The following OPCML variants were observed in gnomAD, a reference collection of about 807,000 sequenced individuals.
OPCML encodes opioid binding protein/cell adhesion molecule like.
A neutral mutation model predicts 37.8 loss-of-function variants in OPCML; 13 were observed. The observed-to-expected ratio is 0.34, with a 90% CI of 0.22 to 0.55. The LOEUF (loss-of-function observed/expected upper bound fraction) is 0.55, where lower values mean the gene tolerates loss of function less well. OPCML is among the 20% of genes least tolerant of loss of function. The pLI, the probability that OPCML is intolerant of heterozygous loss-of-function variation, is 0.91. For synonymous variants in OPCML, 176 were observed against 168.8 expected (o/e 1.04, Z -0.33); for missense variants, 341 against 435.6 (o/e 0.78, Z 1.93).
chr11:133,363,327 A>C (rs530006720), intron 1 of OPCML, among the ~76,000 whole-genome samples: 1 of 152,322 alleles, frequency 6.6e-6, no homozygotes, highest in Non-Finnish European at 1.5e-5. Context: ...AAGGCAGCGC[A>C]GAGGGCCGAG....
At chr11:133,418,036 A>G (rs1322456810) in intron 1 of OPCML, 1 of 982,672 alleles carries the variant, frequency 1.0e-6, no homozygotes, top group Non-Finnish European at 1.2e-6. Flanking sequence ...TGGGGAGAAG[A>G]TACAGGGCAG....
rs115078858 is a variant in OPCML, at chr11:133,063,094, A to G, written c.62-120084T>C. ...TGTCTCAGCACGTGCTGTGAGTTCT[A>G]CCGGTCAGTCCAGAGACCAGCCTTC... On this transcript the variant is annotated intron_variant, in intron 1 of 7. Transcript: ENST00000524381. Among the ~76,000 whole-genome samples the G allele has an allele frequency of 4.5e-3, 683 of 152,254 alleles. 12 individuals carry two copies. Among genetic ancestry groups the G allele is most frequent in the African/African-American group, 0.016 (663 of 41,546 alleles).
At position 132,418,791 on chromosome 11, in the gene OPCML, C is replaced by A. The variant is rs2095947352; in HGVS notation, c.*1402G>T. ...GATGTGTTTTTCTCTCAAGTTCTTGCTGCTAAGGAAAGCCAGCCATAGGTT... is the reference window on the plus strand; with the variant it reads ...GATGTGTTTTTCTCTCAAGTTCTTGATGCTAAGGAAAGCCAGCCATAGGTT... On this transcript the variant is annotated 3_prime_UTR_variant, in exon 8 of 8. Coordinates refer to ENST00000524381, the MANE Select transcript of OPCML (RefSeq NM_001012393.5). 1.3e-5 allele frequency: 2 copies of A among 152,506 alleles called. No individual in the cohort carries two copies. The allele number at this position is 152,506 out of a possible 1,614,324, so 9.4% of individuals were successfully genotyped here. A position where few individuals can be genotyped will look rare whatever the true frequency, so the allele number is the denominator to read the frequency against.
At chr11:132,818,385 A>G (rs1382568309) in intron 2 of OPCML, among the ~76,000 whole-genome samples, 1 of 151,912 alleles carries the variant, frequency 6.6e-6, no homozygotes, top group Non-Finnish European at 1.5e-5. Context: ...ACGTGGGTGG[A>G]CTTCCTGTAA....
rs529384171 is a variant in OPCML at position 133,227,680 on chromosome 11, C to T, written c.62-284670G>A. ...CCATTCTCCCCCTCAGGCTGGATTC[C>T]CTGTTTCTTTGTCTGGAAATGCAGT... On this transcript the variant is annotated intron_variant, in intron 1 of 7. Transcript: ENST00000524381. Among the ~76,000 whole-genome samples, 5 of 152,270 alleles carry T rather than the reference C, an allele frequency of 3.3e-5. No homozygotes were observed. The South Asian group carries it at 6.2e-4, about 19-fold the overall frequency.
intron 1 of OPCML, among the ~76,000 whole-genome samples, chr11:133,306,964 G>A (rs1942935361): frequency 6.6e-6 from 1 of 152,130 alleles, no homozygotes; most frequent in Admixed American, 6.6e-5. Context: ...GTGGTTAGTA[G>A]ATAACCCTGT....
At chr11:132,822,066 C>T (rs543231287) in intron 2 of OPCML, among the ~76,000 whole-genome samples, 2 of 152,262 alleles carry the variant, frequency 1.3e-5, no homozygotes, top group East Asian at 3.9e-4. Context: ...ACTTGCCTTC[C>T]CTTGCTTACT....
intron 2 of OPCML, among the ~76,000 whole-genome samples, chr11:132,852,125 A>G (rs575212815): frequency 6.6e-6 from 1 of 152,236 alleles, no homozygotes; most frequent in African/African-American, 2.4e-5. Flanking sequence ...GTACAAACAG[A>G]CCTTGTTAAA....
At chr11:132,892,074 T>C (rs1328357022) in intron 2 of OPCML, among the ~76,000 whole-genome samples, 1 of 152,198 alleles carries the variant, frequency 6.6e-6, no homozygotes, top group Non-Finnish European at 1.5e-5. Context: ...GCTACAATAT[T>C]AAAGTATGAA....
intron 1 of OPCML, among the ~76,000 whole-genome samples, chr11:133,130,519 C>T (rs1949587519): frequency 6.6e-6 from 1 of 151,822 alleles, no homozygotes; most frequent in Non-Finnish European, 1.5e-5. Flanking sequence ...AATCAAAGAC[C>T]TAAATAAATT....
chr11:132,564,231 C>T lies in OPCML; in HGVS notation c.380-35045G>A, dbSNP rs536893308. 8.3e-4 allele frequency among the ~76,000 whole-genome samples: 126 copies of T among 152,332 alleles called. 2 individuals are homozygous for T. In the South Asian group the frequency reaches 0.025, roughly 31 times the overall value. On this transcript the variant is annotated intron_variant, in intron 3 of 7. Transcript: ENST00000524381. ...TAAAGTCTCCAAGAGCCAAGATACT[C>T]TCCCTCTATTACTCAATTATCTTAT...
chr11:132,691,940 C>T (rs777708876), intron 2 of OPCML, among the ~76,000 whole-genome samples: 1 of 152,154 alleles, frequency 6.6e-6, no homozygotes, highest in Non-Finnish European at 1.5e-5. Flanking sequence ...GATTAAGGGA[C>T]TTGATATGGC....
chr11:132,999,706 G>A (rs574226686), intron 1 of OPCML, among the ~76,000 whole-genome samples: 10 of 152,272 alleles, frequency 6.6e-5, no homozygotes, highest in Non-Finnish European at 1.2e-4. Context: ...CAGGAACTCC[G>A]GCGCCAAGGA....
At chr11:133,272,089 G>A (rs932413643) in intron 1 of OPCML, among the ~76,000 whole-genome samples, 138 of 152,220 alleles carry the variant, frequency 9.1e-4, no homozygotes, top group Non-Finnish European at 1.2e-3. Flanking sequence ...GAGTGCTTCA[G>A]ATGCAGTAAC....
intron 1 of OPCML, among the ~76,000 whole-genome samples, chr11:132,988,117 T>A (rs1008520378): frequency 1.3e-5 from 2 of 152,208 alleles, no homozygotes; most frequent in Non-Finnish European, 2.9e-5. Flanking sequence ...CTCTTTTTTT[T>A]ATTAGGACAA....
intron 2 of OPCML, among the ~76,000 whole-genome samples, chr11:132,931,968 C>G (rs1210385234): frequency 6.6e-6 from 1 of 152,126 alleles, no homozygotes; most frequent in Non-Finnish European, 1.5e-5. Context: ...CATGCTACAG[C>G]ATGGATGAAC....
chr11:132,571,257 C>G (rs943430401), intron 3 of OPCML, among the ~76,000 whole-genome samples: 2 of 152,082 alleles, frequency 1.3e-5, no homozygotes, highest in African/African-American at 4.8e-5. Context: ...GCTCTGTCTG[C>G]TTCCCTGCTT....
intron 1 of OPCML, among the ~76,000 whole-genome samples, chr11:133,062,332 C>T (rs1051465565): frequency 7.9e-5 from 12 of 152,214 alleles, no homozygotes; most frequent in Non-Finnish European, 1.3e-4. Context: ...TATCTTAAAT[C>T]TCTCAGGTCC....
intron 3 of OPCML, among the ~76,000 whole-genome samples, chr11:132,611,127 C>T (rs538933871): frequency 3.9e-5 from 6 of 152,262 alleles, no homozygotes; most frequent in South Asian, 2.1e-4. Flanking sequence ...TTGGTTTTCA[C>T]GTATAAAGTT....
Sources: gnomAD v4.1 joint callset for allele counts (sites outside exome capture counted in the v4.1 genomes callset) on GRCh38, gnomAD v4.1.1 for gene constraint, MANE v1.5 for transcripts, NCBI Gene and HGNC (gene_info 2026-07-23, HGNC 2026-07-21) for gene names.